RANBP3: variants seen among roughly 807,000 people sequenced by gnomAD.
RANBP3 encodes the protein ran-binding protein 3.
Under a neutral mutation model 77.3 loss-of-function variants are expected in RANBP3, and 14 were observed. The observed-to-expected ratio is 0.18, with a 90% CI of 0.12 to 0.28. RANBP3 has a LOEUF of 0.28. Ranked by LOEUF, RANBP3 falls within the 10% of genes least tolerant of loss-of-function variation. The probability of loss-of-function intolerance (pLI) is 1.00; values close to 1 mark genes in which losing one functional copy is unlikely to be tolerated. For missense variants in RANBP3, 586 were observed against 752.3 expected (o/e 0.78, Z 2.59); for synonymous variants, 315 against 312.4 (o/e 1.01, Z -0.09).
intron 2 of RANBP3, among the ~76,000 whole-genome samples, chr19:5,955,265 G>A (rs1300375216): frequency 6.6e-6 from 1 of 152,140 alleles, no homozygotes; most frequent in Non-Finnish European, 1.5e-5. Context: ...TGAGTAGCTG[G>A]GATTACAGGC....
chr19:5,947,179 T>C (rs1388105746), intron 3 of RANBP3, among the ~76,000 whole-genome samples: 1 of 151,042 alleles, frequency 6.6e-6, no homozygotes, highest in African/African-American at 2.4e-5. Context: ...CCAGGCATGG[T>C]GGTGCATGCC....
chr19:5,960,848 G>A (rs942663214), intron 1 of RANBP3, among the ~76,000 whole-genome samples: 17 of 152,230 alleles, frequency 1.1e-4, no homozygotes, highest in African/African-American at 3.9e-4. Context: ...TGAGGGGCAT[G>A]GGCCAGGAGA....
chr19:5,917,490 G>T lies in RANBP3; in HGVS notation c.*120C>A. 1 of 1,180,466 alleles carries T rather than the reference G, an allele frequency of 8.5e-7. No individual in the cohort carries two copies. The highest frequency in any genetic ancestry group is 1.2e-6 in the Non-Finnish European group (1 of 854,294). 73.1% of individuals were successfully genotyped at this position (1,180,466 alleles called of 1,614,324 possible). A position where few individuals can be genotyped will look rare whatever the true frequency, so the allele number is the denominator to read the frequency against. On this transcript the variant is annotated 3_prime_UTR_variant, in exon 17 of 17. Coordinates refer to ENST00000340578, the MANE Select transcript of RANBP3 (RefSeq NM_007322.3). ...GACGTGCGGGTCCAGACTGTGGCCG[G>T]CCCAGTGGGGTGTGTGGTTCCCGGC...
intron 2 of RANBP3, among the ~76,000 whole-genome samples, chr19:5,954,780 A>G (rs551786212): frequency 2.1e-4 from 32 of 152,296 alleles, no homozygotes; most frequent in Admixed American, 7.2e-4. Context: ...CACTTCTGAC[A>G]CACACTGCAG....
At position 5,921,187 on chromosome 19, in the gene RANBP3, C is replaced by T. The variant is rs540477492; in HGVS notation, c.1330+14G>A. 1.8e-5 allele frequency: 29 copies of T among 1,606,406 alleles called. No homozygotes were observed. The highest frequency in any genetic ancestry group is 1.7e-4 in the Middle Eastern group (1 of 6,032). ...ATGGGGACCCGGCCACAGCCCCCGC[C>T]GTCGGCAGCTCACCTAGTCGGGACT... On this transcript the variant is annotated intron_variant, in intron 14 of 16. Transcript: ENST00000340578. This position sits in a 1 kb window ranked among gnomAD's most constrained non-coding sequence, Gnocchi z 5.3.
chr19:5,931,571 G>T (rs1189788769), intron 7 of RANBP3, 40 bp from the exon 8 acceptor site: 1 of 1,578,054 alleles, frequency 6.3e-7, no homozygotes, highest in Admixed American at 1.7e-5. Context: ...CAGGTGCTTG[G>T]CGGCCCTCCC....
chr19:5,925,507 G>A (rs1321655525), intron 10 of RANBP3, 127 bp downstream of exon 10: 23 of 772,878 alleles, frequency 3.0e-5, no homozygotes, highest in Non-Finnish European at 4.6e-5. Context: ...TGAGAGAGAG[G>A]GGCCTGAGAG....
Position 5,917,533 on chromosome 19 carries a change from C to A in RANBP3, c.*77G>T. 1 of 1,463,536 alleles carries A rather than the reference C, an allele frequency of 6.8e-7. No individual in the cohort carries two copies. The highest frequency in any genetic ancestry group is 2.5e-5 in the East Asian group (1 of 40,106). The allele number at this position is 1,463,536 out of a possible 1,614,324, so 90.7% of individuals were successfully genotyped here. A position where few individuals can be genotyped will look rare whatever the true frequency, so the allele number is the denominator to read the frequency against. On this transcript the variant is annotated 3_prime_UTR_variant, in exon 17 of 17. Transcript: ENST00000340578. ...TTCCCGGCCCCGCACCTGGACGCTGCCGGTGGGGTGGGGGCGGGTGGGCGG... is the reference window on the plus strand; with the variant it reads ...TTCCCGGCCCCGCACCTGGACGCTGACGGTGGGGTGGGGGCGGGTGGGCGG...
intron 1 of RANBP3, among the ~76,000 whole-genome samples, chr19:5,972,767 G>A (rs150929288): frequency 4.6e-5 from 7 of 152,150 alleles, no homozygotes; most frequent in Non-Finnish European, 7.4e-5. Flanking sequence ...TCCACCCCAA[G>A]CTCCTCCAAA....
chr19:5,917,773 G>C lies in RANBP3; in HGVS notation c.1660+21C>G, dbSNP rs530001788. 11 of 1,599,510 alleles carry C rather than the reference G, an allele frequency of 6.9e-6. No individual in the cohort carries two copies. The East Asian group carries it at 2.2e-4, about 33-fold the overall frequency. ...GGGCAGCTCTTTCTATCCCCCCCAGGGTAGGGACCACCCGACTCACCAGCT... is the reference window on the plus strand; with the variant it reads ...GGGCAGCTCTTTCTATCCCCCCCAGCGTAGGGACCACCCGACTCACCAGCT... On this transcript the variant is annotated intron_variant, in intron 16 of 16. Coordinates refer to ENST00000340578, the MANE Select transcript of RANBP3 (RefSeq NM_007322.3).
At position 5,951,614 on chromosome 19, in the gene RANBP3, A is replaced by C. The variant is rs771546992; in HGVS notation, c.79-18T>G. 6 of 1,606,340 alleles carry C rather than the reference A, an allele frequency of 3.7e-6. No homozygotes were observed. The highest frequency in any genetic ancestry group is 2.6e-6 in the Non-Finnish European group (3 of 1,175,946). ...GCAGGGGACTGGGAGCAAAAAAGACAATTTTCCTTCAATGTGAATAAAGGC... is the reference window on the plus strand; with the variant it reads ...GCAGGGGACTGGGAGCAAAAAAGACCATTTTCCTTCAATGTGAATAAAGGC... On this transcript the variant is annotated intron_variant, in intron 2 of 16. Transcript: ENST00000340578.
chr19:5,975,311 G>GC (rs2058577657), intron 1 of RANBP3, among the ~76,000 whole-genome samples: 2 of 152,058 alleles, frequency 1.3e-5, no homozygotes, highest in Non-Finnish European at 2.9e-5. Flanking sequence ...CACTTACTAG[G>GC]GAAAAAAAGT....
At chr19:5,945,048 C>T (rs541228483) in intron 3 of RANBP3, among the ~76,000 whole-genome samples, 50 of 152,268 alleles carry the variant, frequency 3.3e-4, no homozygotes, top group Admixed American at 1.3e-3. Flanking sequence ...GTGAGGTGAC[C>T]TCCAGGCCCC....
intron 8 of RANBP3, among the ~76,000 whole-genome samples, chr19:5,929,327 C>T (rs1010735728): frequency 6.6e-6 from 1 of 152,258 alleles, no homozygotes; most frequent in Non-Finnish European, 1.5e-5. Flanking sequence ...CCCAGCCCCA[C>T]TGGGGCCGCC....
intron 3 of RANBP3, chr19:5,950,901 T>C (rs2058266272): frequency 6.0e-6 from 1 of 166,174 alleles, no homozygotes; most frequent in Non-Finnish European, 1.3e-5. Flanking sequence ...ATCAGTTCAC[T>C]GCCTTAACCA....
chr19:5,956,800 G>A (rs754500542), intron 2 of RANBP3, among the ~76,000 whole-genome samples: 2 of 152,208 alleles, frequency 1.3e-5, no homozygotes, highest in African/African-American at 4.8e-5. Context: ...TCATGAGAGC[G>A]GCTTCCAGCC....
Position 5,932,819 on chromosome 19 carries a change from A to T in RANBP3, c.473-275T>A. The T allele has an allele frequency of 6.4e-6, 3 of 470,096 alleles. No homozygotes were observed. The South Asian group carries it at 7.3e-5, about 11-fold the overall frequency. The allele number at this position is 470,096 out of a possible 1,614,324, so 29.1% of individuals were successfully genotyped here. A position where few individuals can be genotyped will look rare whatever the true frequency, so the allele number is the denominator to read the frequency against. Reference sequence around the variant, plus strand: ...GTGGCGGGGCGCCGGCAGACTCAACAGTCAAGTGGAGACTGTGGGAGGAGA... The same window carrying T: ...GTGGCGGGGCGCCGGCAGACTCAACTGTCAAGTGGAGACTGTGGGAGGAGA... On this transcript the variant is annotated intron_variant, in intron 6 of 16. Transcript: ENST00000340578.
In RANBP3 at chr19:5,916,160, A is replaced by G. The variant is rs1315120647; in HGVS notation, c.*1450T>C. The G allele has an allele frequency of 5.3e-5, 8 of 152,132 alleles. No homozygotes were observed. The highest frequency in any genetic ancestry group is 1.9e-4 in the African/African-American group (8 of 41,426). The allele number at this position is 152,132 out of a possible 1,614,324, so 9.4% of individuals were successfully genotyped here. Reference sequence around the variant, plus strand: ...AGGGTTTTAGTTAAAAGTTTAATGTAGTTCCCAAATACATTTCATATGACA... The same window carrying G: ...AGGGTTTTAGTTAAAAGTTTAATGTGGTTCCCAAATACATTTCATATGACA... On this transcript the variant is annotated 3_prime_UTR_variant, in exon 17 of 17. Coordinates refer to ENST00000340578, the MANE Select transcript of RANBP3 (RefSeq NM_007322.3).
rs368937050 is a variant in RANBP3 at position 5,931,381 on chromosome 19, T to A, written c.693+23A>T. The A allele has an allele frequency of 4.4e-6, 7 of 1,591,902 alleles. No homozygotes were observed. In the African/African-American group the frequency reaches 9.4e-5, roughly 21 times the overall value. On this transcript the variant is annotated intron_variant, in intron 8 of 16. Transcript: ENST00000340578. ...CCCAAGGGGCCTAGCATGCAGCGCT[T>A]CCCTGCCTCAGGACCCACTGACCTC...
Sources: allele counts gnomAD v4.1 joint callset (sites outside exome capture counted in the v4.1 genomes callset), GRCh38; gene constraint gnomAD v4.1.1; non-coding constraint Gnocchi (gnomAD v3.1); transcripts MANE v1.5; gene names NCBI Gene and HGNC (gene_info 2026-07-23, HGNC 2026-07-21).